RFX1: variants seen among roughly 807,000 people sequenced by gnomAD.
RFX1 encodes the protein MHC class II regulatory factor RFX1.
Under a neutral mutation model 119.6 loss-of-function variants are expected in RFX1, and 42 were observed. The ratio of observed to expected loss-of-function variants is 0.35; its 90% CI spans 0.27 to 0.45. The LOEUF (loss-of-function observed/expected upper bound fraction) is 0.45, where lower values mean the gene tolerates loss of function less well. Among genes scored for constraint, RFX1 ranks in the 20% least tolerant of loss-of-function variants. RFX1 has a pLI of 1.00. For synonymous variants in RFX1, 628 were observed against 618.5 expected (o/e 1.02, Z -0.23); for missense variants, 1,118 against 1,368.1 (o/e 0.82, Z 2.88).
chr19:13,972,144 G>A (rs1165698037), intron 9 of RFX1, among the ~76,000 whole-genome samples: 1 of 149,596 alleles, frequency 6.7e-6, no homozygotes, highest in Non-Finnish European at 1.5e-5. Flanking sequence ...GCTTCAGCCT[G>A]GACGACAGAA....
Position 13,985,405 on chromosome 19 carries a change from G to A in RFX1, c.320-1810C>T, listed in dbSNP as rs911404669. On this transcript the variant is annotated intron_variant, in intron 2 of 20. Coordinates refer to ENST00000254325, the MANE Select transcript of RFX1 (RefSeq NM_002918.5). The surrounding 1 kb of genome is among the most constrained non-coding windows in gnomAD (Gnocchi z 4.3). ...TTGGCCAGGCTGCTCTTGAACTCCT[G>A]GCTTCAAGTGATCCGCCCGCCTCGG... Among the ~76,000 whole-genome samples the A allele has an allele frequency of 6.6e-6, 1 of 152,092 alleles. No homozygotes were observed. Among genetic ancestry groups the A allele is most frequent in the Non-Finnish European group, 1.5e-5 (1 of 68,026 alleles).
intron 2 of RFX1, among the ~76,000 whole-genome samples, chr19:13,992,454 G>C (rs1187799837): frequency 2.0e-5 from 3 of 152,192 alleles, no homozygotes; most frequent in African/African-American, 7.2e-5. Flanking sequence ...AAGATGGCCT[G>C]CTCTCAACAC....
chr19:13,970,245 G>C lies in RFX1; in HGVS notation c.1315-70C>G, dbSNP rs77858698. ...CGTCATCTCTGAGTGCTGGGGCTGA[G>C]TGCCCCACATCGACTTCCAGCTGGG... On this transcript the variant is annotated intron_variant, in intron 9 of 20. Transcript: ENST00000254325. The C allele has an allele frequency of 3.8e-4, 522 of 1,368,802 alleles. 2 individuals are homozygous for C. The African/African-American group carries it at 6.5e-3, about 17-fold the overall frequency. The allele number at this position is 1,368,802 out of a possible 1,614,324, so 84.8% of individuals were successfully genotyped here.
At position 13,980,718 on chromosome 19, in the gene RFX1, G is replaced by GCTGAGGTGGGCTTGCATCCTCT; in HGVS notation, c.622-30_622-29insAGAGGATGCAAGCCCACCTCAG. On this transcript the variant is annotated intron_variant, in intron 5 of 20. Coordinates refer to ENST00000254325, the MANE Select transcript of RFX1 (RefSeq NM_002918.5). The surrounding 1 kb of genome is among the most constrained non-coding windows in gnomAD (Gnocchi z 5.1). ...TAAGGGAAGGAGACACAGGAGTGCC[G>GCTGAGGTGGGCTTGCATCCTCT]CTGGGGTGGGCTTGCATCCTCTCTG... 1.5e-6 allele frequency: 1 copy of GCTGAGGTGGGCTTGCATCCTCT among 646,418 alleles called. No individual in the cohort carries two copies. The highest frequency in any genetic ancestry group is 7.5e-5 in the African/African-American group (1 of 13,342). 40.0% of individuals were successfully genotyped at this position (646,418 alleles called of 1,614,324 possible). A position where few individuals can be genotyped will look rare whatever the true frequency, so the allele number is the denominator to read the frequency against.
intron 2 of RFX1, among the ~76,000 whole-genome samples, chr19:13,984,108 C>G (rs933175353): frequency 6.7e-6 from 1 of 150,002 alleles, no homozygotes; most frequent in Non-Finnish European, 1.5e-5. Flanking sequence ...CCCCTCTGTC[C>G]TCAGTGGGGT....
rs116109610 is a variant in RFX1, at chr19:14,000,916, C to T, written c.-53+5187G>A. On this transcript the variant is annotated intron_variant, in intron 1 of 20. Coordinates refer to ENST00000254325, the MANE Select transcript of RFX1 (RefSeq NM_002918.5). ...TTGAGACCAGTCTTAGCAGCATAGC[C>T]GAGACTCCATCTCGACAAAAAAATT... 8.0e-3 allele frequency among the ~76,000 whole-genome samples: 1,212 copies of T among 151,988 alleles called. 24 individuals are homozygous for T. Among genetic ancestry groups the T allele is most frequent in the African/African-American group, 0.027 (1,139 of 41,430 alleles).
intron 6 of RFX1, among the ~76,000 whole-genome samples, chr19:13,979,877 C>G (rs1974373764): frequency 6.6e-6 from 1 of 152,162 alleles, no homozygotes; most frequent in Admixed American, 6.5e-5. Flanking sequence ...GTGCCCTGTT[C>G]TGTGCTGTGG....
chr19:13,973,045 C>A lies in RFX1; in HGVS notation c.1012G>T (p.Ala338Ser). 5.0e-6 allele frequency: 8 copies of A among 1,601,706 alleles called. No homozygotes were observed. The highest frequency in any genetic ancestry group is 6.8e-6 in the Non-Finnish European group (8 of 1,179,844). Residue 338 changes from alanine to serine, a missense_variant, in exon 9 of 21, where the codon GCC (alanine) becomes TCC (serine). This residue lies in a region of RFX1 where 542 missense variants were observed against 602.7 expected (regional missense o/e 0.90). Coordinates refer to ENST00000254325, the MANE Select transcript of RFX1 (RefSeq NM_002918.5). ...GTGGCGGGGGTGCTGACCTGGGTGG[C>A]CGTGCCTGCGGCCTCGTAGTAGCTG... ...STSYYEAAGT[A>S]TQVSTPATSQ... is the part of the protein sequence containing the mutation.
chr19:13,987,569 C>T (rs1974646212), intron 2 of RFX1, among the ~76,000 whole-genome samples: 1 of 152,122 alleles, frequency 6.6e-6, no homozygotes, highest in Non-Finnish European at 1.5e-5. Flanking sequence ...CTCACGTGGC[C>T]CCGGCCACCC....
intron 7 of RFX1, among the ~76,000 whole-genome samples, chr19:13,978,376 AC>A (rs1974318106): frequency 6.6e-6 from 1 of 151,652 alleles, no homozygotes; most frequent in Non-Finnish European, 1.5e-5. Flanking sequence ...TGAAGGTTGG[AC>A]CCCAGGCACA....
At chr19:13,991,766 T>A (rs1974810356) in intron 2 of RFX1, among the ~76,000 whole-genome samples, 1 of 151,942 alleles carries the variant, frequency 6.6e-6, no homozygotes, top group Non-Finnish European at 1.5e-5. Context: ...GTTCAAGTGA[T>A]TTTTCCTGCC....
chr19:13,965,473 G>C lies in RFX1; in HGVS notation c.2187C>G (p.Ile729Met). The change falls in exon 16 of 21, where the codon ATC (isoleucine) becomes ATG (methionine). Residue 729 changes from isoleucine (I) to methionine (M), a missense_variant. Ile to Met is a conservative substitution (Grantham distance 10). This residue lies in a region of RFX1 where 338 missense variants were observed against 508.9 expected (regional missense o/e 0.66). Coordinates refer to ENST00000254325, the MANE Select transcript of RFX1 (RefSeq NM_002918.5). This position sits in a 1 kb window ranked among gnomAD's most constrained non-coding sequence, Gnocchi z 4.7. ...CCTTCACCCGCAGCATCTCCTCGGG[G>C]ATGTTGACCATGGCGTGGGTGAGCC... The part of the protein sequence containing the change: ...ESWLTHAMVN[I>M]PEEMLRVKVA... 1 of 1,613,904 alleles carries C rather than the reference G, an allele frequency of 6.2e-7. No homozygotes were observed. Among genetic ancestry groups the C allele is most frequent in the Non-Finnish European group, 8.5e-7 (1 of 1,179,926 alleles).
intron 5 of RFX1, among the ~76,000 whole-genome samples, chr19:13,981,313 G>T (rs767815140): frequency 1.3e-5 from 2 of 152,322 alleles, no homozygotes; most frequent in South Asian, 4.1e-4. Flanking sequence ...AGGCTCAAAG[G>T]GGCCGGGCAT....
chr19:13,994,937 T>TAAAA (rs1555756389), intron 1 of RFX1, among the ~76,000 whole-genome samples: 1 of 111,502 alleles, frequency 9.0e-6, no homozygotes, highest in African/African-American at 3.3e-5. Flanking sequence ...TATATATATA[T>TAAAA]AATCATTTTT....
At chr19:13,977,844 G>T in intron 8 of RFX1, 148 bp downstream of exon 8, 1 of 589,298 alleles carries the variant, frequency 1.7e-6, no homozygotes, top group Admixed American at 3.2e-5. Context: ...GGCTGCCCCT[G>T]GGGAGTGCCC....
rs146363929 is a variant in RFX1, at chr19:13,994,490, C to T, written c.-52-595G>A. On this transcript the variant is annotated intron_variant, in intron 1 of 20. Transcript: ENST00000254325. ...CAGCACTTTGGGAGGCCGAGGTGAG[C>T]GGATCACTTGAGGTCAGGAGTTCGA... Among the ~76,000 whole-genome samples, 619 of 152,028 alleles carry T rather than the reference C, an allele frequency of 4.1e-3. 7 individuals are homozygous for T. The highest frequency in any genetic ancestry group is 0.014 in the African/African-American group (592 of 41,464).
intron 9 of RFX1, among the ~76,000 whole-genome samples, chr19:13,970,529 G>A (rs1319199274): frequency 4.0e-5 from 6 of 151,742 alleles, no homozygotes; most frequent in South Asian, 2.1e-4. Flanking sequence ...AGCTAGTGTC[G>A]TGGTGCACAC....
At chr19:13,987,563 C>G (rs1974645361) in intron 2 of RFX1, among the ~76,000 whole-genome samples, 1 of 152,070 alleles carries the variant, frequency 6.6e-6, no homozygotes, top group South Asian at 2.1e-4. Flanking sequence ...CCGGCGCTCA[C>G]GTGGCCCCGG....
In RFX1 at chr19:13,972,961, C is replaced by T. The variant is rs551233553; in HGVS notation, c.1096G>A (p.Val366Ile). The change falls in exon 9 of 21, where the codon GTC becomes ATC. Residue 366 changes from valine to isoleucine, a missense_variant. By Grantham distance (29) the Val-to-Ile change is conservative. Transcript: ENST00000254325. ...GCCCCAGTGCTGGTGGAGCTGGCGA[C>T]GACCTGGCTGCCGGACACGTACATG... The part of the protein sequence containing the change: ...MPMYVSGSQV[V>I]ASSTSTGAGA... The T allele has an allele frequency of 6.9e-6, 11 of 1,599,420 alleles. No individual in the cohort carries two copies. The highest frequency in any genetic ancestry group is 5.3e-5 in the African/African-American group (4 of 74,994).
Sources: gnomAD v4.1 joint callset for allele counts (sites outside exome capture counted in the v4.1 genomes callset) on GRCh38, gnomAD v4.1.1 for gene constraint, gnomAD v4.1.1 regional missense constraint, Gnocchi (gnomAD v3.1) non-coding constraint, MANE v1.5 for transcripts, NCBI Gene and HGNC (gene_info 2026-07-23, HGNC 2026-07-21) for gene names.